The following NPEPPS variants were observed in gnomAD, a reference collection of about 807,000 sequenced individuals.
NPEPPS encodes aminopeptidase puromycin sensitive, also known as puromycin-sensitive aminopeptidase.
NPEPPS carries 14 observed loss-of-function variants against 115.5 expected under a neutral mutation model. The ratio of observed to expected loss-of-function variants is 0.12; its 90% confidence interval spans 0.08 to 0.19. NPEPPS has a LOEUF of 0.19. Among genes scored for constraint, NPEPPS ranks in the 10% least tolerant of loss-of-function variants. The pLI, the probability that NPEPPS is intolerant of heterozygous loss-of-function variation, is 1.00. For synonymous variants in NPEPPS, 285 were observed against 390.6 expected (o/e 0.73, Z 3.19); for missense variants, 523 against 1,110.8 (o/e 0.47, Z 7.52).
At chr17:47,612,950 A>G (rs1171812119) in intron 18 of NPEPPS, among the ~76,000 whole-genome samples, 1 of 152,170 alleles carries the variant, frequency 6.6e-6, no homozygotes, top group Non-Finnish European at 1.5e-5. Flanking sequence ...GGTGTGAGCT[A>G]CCATGCCTGT....
At chr17:47,611,542 A>T (rs1030579973) in intron 17 of NPEPPS, among the ~76,000 whole-genome samples, 1 of 151,492 alleles carries the variant, frequency 6.6e-6, no homozygotes, top group Middle Eastern at 3.3e-3. Context: ...TACAGCTTCA[A>T]CCTCCTTGCA....
chr17:47,620,065 T>C, intron 22 of NPEPPS: 1 of 300,154 alleles, frequency 3.3e-6, no homozygotes, highest in East Asian at 8.2e-5. Flanking sequence ...AAACCCCAAA[T>C]TAGCTGGACA....
chr17:47,596,954 A>T (rs1026450813), intron 13 of NPEPPS, among the ~76,000 whole-genome samples: 1 of 152,024 alleles, frequency 6.6e-6, no homozygotes, highest in African/African-American at 2.4e-5. Context: ...AGACTTAGGC[A>T]GGAGAATTGC....
intron 15 of NPEPPS, 78 bp from the exon 16 acceptor site, chr17:47,603,837 A>G: frequency 7.4e-7 from 1 of 1,350,528 alleles, no homozygotes; most frequent in Non-Finnish European, 1.0e-6. Flanking sequence ...TAAAACCAGA[A>G]CTCCTTTTAA....
At chr17:47,570,039 C>T (rs369690044) in intron 3 of NPEPPS, among the ~76,000 whole-genome samples, 5 of 152,156 alleles carry the variant, frequency 3.3e-5, no homozygotes, top group African/African-American at 7.2e-5. Context: ...TCTCTTTAAA[C>T]GAACAAGCCA....
chr17:47,574,368 A>G (rs1469960177), intron 3 of NPEPPS, among the ~76,000 whole-genome samples: 1 of 152,044 alleles, frequency 6.6e-6, no homozygotes, highest in Non-Finnish European at 1.5e-5. Context: ...GTTGTTCAGC[A>G]TTAGGAAATA....
chr17:47,559,726 G>A (rs1388452978), intron 2 of NPEPPS: 1 of 449,400 alleles, frequency 2.2e-6, no homozygotes, highest in Non-Finnish European at 4.4e-6. Context: ...CCAAAGGAGG[G>A]GGTCATTTAC....
upstream of NPEPPS, among the ~76,000 whole-genome samples, chr17:47,527,032 A>G (rs145051507): frequency 1.8e-3 from 271 of 152,226 alleles, no homozygotes; most frequent in African/African-American, 6.2e-3. Flanking sequence ...TCAGGAGAGA[A>G]AAAAAAATGC....
chr17:47,578,170 C>T (rs1034211411), intron 3 of NPEPPS, among the ~76,000 whole-genome samples: 8 of 150,786 alleles, frequency 5.3e-5, no homozygotes, highest in Non-Finnish European at 8.8e-5. Flanking sequence ...CCACTGTACT[C>T]CAGCCTGGGC....
At chr17:47,601,935 G>C in intron 15 of NPEPPS, 188 bp downstream of exon 15, 1 of 577,736 alleles carries the variant, frequency 1.7e-6, no homozygotes, top group Non-Finnish European at 2.9e-6. Flanking sequence ...GGTAGTGGTA[G>C]AGAAGCAGAT....
intron 21 of NPEPPS, 92 bp downstream of exon 21, chr17:47,619,256 T>C (rs1386478631): frequency 1.1e-5 from 14 of 1,288,864 alleles, no homozygotes; most frequent in African/African-American, 1.5e-5. Context: ...GTCTTTGCTC[T>C]TTAAATGTTT....
chr17:47,585,517 A>G lies in NPEPPS; in HGVS notation c.666A>G (p.Lys222=), dbSNP rs774957322. The change falls in exon 6 of 23, where the codon AAA becomes AAG. Residue 222 remains lysine (K), a synonymous_variant. Coordinates refer to ENST00000322157, the MANE Select transcript of NPEPPS (RefSeq NM_006310.4). ...TCTTAAAGAATGTAATTGACCGGAA[A>G]CCATACCCTGATGATGAAAATTTAG... ...ALSNMNVIDR[K]PYPDDENLVE... is the part of the protein sequence containing the mutation. The G allele has an allele frequency of 3.7e-6, 6 of 1,613,074 alleles. No homozygotes were observed. The African/African-American group carries it at 6.7e-5, about 18-fold the overall frequency.
intron 3 of NPEPPS, among the ~76,000 whole-genome samples, chr17:47,570,290 C>T (rs941941927): frequency 6.6e-6 from 1 of 152,086 alleles, no homozygotes; most frequent in Non-Finnish European, 1.5e-5. Context: ...AGTGTGGTGG[C>T]TCATCCCTAT....
chr17:47,609,087 G>C (rs1218153896), intron 17 of NPEPPS, among the ~76,000 whole-genome samples: 1 of 152,062 alleles, frequency 6.6e-6, no homozygotes, highest in Non-Finnish European at 1.5e-5. Flanking sequence ...TTTTAAGTTG[G>C]GAGATTTTAT....
chr17:47,567,445 C>G (rs1275060523), intron 2 of NPEPPS, among the ~76,000 whole-genome samples: 1 of 152,152 alleles, frequency 6.6e-6, no homozygotes, highest in Non-Finnish European at 1.5e-5. Flanking sequence ...TGAATCGTTA[C>G]CCACAGCATC....
Position 47,604,058 on chromosome 17 carries a change from C to G in NPEPPS, c.1875+9C>G. On this transcript the variant is annotated intron_variant, in intron 16 of 22. Transcript: ENST00000322157. Reference sequence around the variant, plus strand: ...ATGACCTCTTCTCCTTGGTGAGCATCTGTGACTTAAGTAATATGATGGATT... The same window carrying G: ...ATGACCTCTTCTCCTTGGTGAGCATGTGTGACTTAAGTAATATGATGGATT... 6.2e-7 allele frequency: 1 copy of G among 1,603,340 alleles called. No individual in the cohort carries two copies. Among genetic ancestry groups the G allele is most frequent in the African/African-American group, 1.3e-5 (1 of 74,800 alleles).
chr17:47,551,004 T>C (rs1909611601), intron 2 of NPEPPS, among the ~76,000 whole-genome samples: 1 of 152,314 alleles, frequency 6.6e-6, no homozygotes, highest in East Asian at 1.9e-4. Flanking sequence ...CAAGAGACTA[T>C]TTAGCTTTGT....
At position 47,551,083 on chromosome 17, in the gene NPEPPS, T is replaced by C. The variant is rs1488860745; in HGVS notation, c.340+5090T>C. 5.3e-5 allele frequency among the ~76,000 whole-genome samples: 8 copies of C among 152,344 alleles called. No homozygotes were observed. The East Asian group carries it at 1.3e-3, about 26-fold the overall frequency. On this transcript the variant is annotated intron_variant, in intron 2 of 22. Transcript: ENST00000322157. ...TTTTACAGACTTTTCTATTTCTCAA[T>C]GGAACTTTACTCTGAAGATATACTC...
intron 2 of NPEPPS, among the ~76,000 whole-genome samples, chr17:47,552,626 T>A (rs997017805): frequency 2.6e-5 from 4 of 152,224 alleles, no homozygotes; most frequent in Admixed American, 6.5e-5. Flanking sequence ...TGGTAAGTTT[T>A]AAAACATTAT....
Sources: allele counts gnomAD v4.1 joint callset (sites outside exome capture counted in the v4.1 genomes callset), GRCh38; gene constraint gnomAD v4.1.1; transcripts MANE v1.5; gene names NCBI Gene and HGNC (gene_info 2026-07-23, HGNC 2026-07-21).